CCDC12: variants seen among roughly 807,000 people sequenced by gnomAD.
CCDC12 encodes coiled-coil domain-containing protein 12.
CCDC12 carries 28 observed loss-of-function variants against 25.7 expected under a neutral mutation model. The ratio of observed to expected loss-of-function variants is 1.09; its 90% confidence interval spans 0.81 to 1.50. The LOEUF is 1.50. Ranked by LOEUF, CCDC12 falls within the 40% of genes most tolerant of loss-of-function variation. CCDC12 has a pLI of 0.00. For missense variants in CCDC12, 198 were observed against 210.0 expected (o/e 0.94, Z 0.35); for synonymous variants, 75 against 87.7 (o/e 0.86, Z 0.81).
At chr3:46,939,774 C>G (rs2033618880) in intron 2 of CCDC12, among the ~76,000 whole-genome samples, 1 of 152,182 alleles carries the variant, frequency 6.6e-6, no homozygotes, top group Admixed American at 6.5e-5. Flanking sequence ...TGAAAACACT[C>G]TGTAAGTCGT....
chr3:46,956,310 A>T (rs1295586889), intron 1 of CCDC12, among the ~76,000 whole-genome samples: 1 of 152,240 alleles, frequency 6.6e-6, no homozygotes, highest in African/African-American at 2.4e-5. Context: ...TGGGAATCTG[A>T]ATGTTCAAAG....
At chr3:46,950,481 C>CA (rs2034072986) in intron 1 of CCDC12, among the ~76,000 whole-genome samples, 1 of 122,138 alleles carries the variant, frequency 8.2e-6, no homozygotes, top group African/African-American at 3.0e-5. Context: ...CCATGCACAG[C>CA]TTTTTTTTTT....
chr3:46,979,713 G>T, upstream of CCDC12: 1 of 308,334 alleles, frequency 3.2e-6, no homozygotes, highest in Non-Finnish European at 6.0e-6. Context: ...CGCCGCGGAG[G>T]CCACAGCCGC....
chr3:46,937,237 C>A (rs191835871), intron 2 of CCDC12, among the ~76,000 whole-genome samples: 69 of 152,294 alleles, frequency 4.5e-4, no homozygotes, highest in African/African-American at 1.6e-3. Context: ...TACCACCCAC[C>A]CTTTCACACT....
At chr3:46,936,434 G>C (rs2033444353) in intron 2 of CCDC12, among the ~76,000 whole-genome samples, 1 of 152,186 alleles carries the variant, frequency 6.6e-6, no homozygotes, top group African/African-American at 2.4e-5. Flanking sequence ...CTTCTGCCCA[G>C]AGCCCCAGCA....
rs530160125 is a variant in CCDC12, at chr3:46,934,001, G to A, written c.164+6997C>T. ...GTGGAGCAATCTCGGCTCACTACAA[G>A]CTCCGCCTCCCGGGTTCACTCCATT... On this transcript the variant is annotated intron_variant, in intron 2 of 6. Coordinates refer to ENST00000683445, the MANE Select transcript of CCDC12 (RefSeq NM_001277074.2). 4.0e-5 allele frequency among the ~76,000 whole-genome samples: 6 copies of A among 151,644 alleles called. No individual in the cohort carries two copies. In the South Asian group the frequency reaches 1.3e-3, roughly 32 times the overall value.
intron 1 of CCDC12, among the ~76,000 whole-genome samples, chr3:46,970,268 T>C (rs1432233344): frequency 2.3e-5 from 2 of 85,654 alleles, no homozygotes; most frequent in Admixed American, 3.3e-4. Context: ...TAAAACATTA[T>C]GAGATATTTT....
chr3:46,979,930 C>G, upstream of CCDC12: 1 of 371,366 alleles, frequency 2.7e-6, no homozygotes, highest in Non-Finnish European at 4.8e-6. Flanking sequence ...CGCCCCGCCC[C>G]GCGCCCGCAC....
At chr3:46,923,444 TG>T (rs2032783245) in intron 4 of CCDC12, 81 bp from the exon 5 acceptor site, 1 of 1,533,080 alleles carries the variant, frequency 6.5e-7, no homozygotes, top group Non-Finnish European at 8.9e-7. Context: ...AGGAGGGAAA[TG>T]GGAGAAAGAG....
chr3:46,976,570 C>A, intron 1 of CCDC12, 67 bp downstream of exon 1: 6 of 1,557,802 alleles, frequency 3.9e-6, no homozygotes, highest in Non-Finnish European at 4.3e-6. Context: ...CCTTTGCTCT[C>A]CTCAAGCGCG....
intron 2 of CCDC12, among the ~76,000 whole-genome samples, chr3:46,928,630 C>G (rs943766223): frequency 1.3e-5 from 2 of 152,186 alleles, no homozygotes; most frequent in African/African-American, 4.8e-5. Context: ...GAAATGGTAT[C>G]TCAGAAGTGT....
intron 2 of CCDC12, among the ~76,000 whole-genome samples, chr3:46,938,268 C>T (rs538330081): frequency 6.6e-6 from 1 of 152,332 alleles, no homozygotes; most frequent in East Asian, 1.9e-4. Flanking sequence ...AGGTCTTGTG[C>T]TCCACTACAA....
chr3:46,944,599 C>T (rs1479974999), intron 1 of CCDC12, among the ~76,000 whole-genome samples: 3 of 152,036 alleles, frequency 2.0e-5, no homozygotes, highest in Non-Finnish European at 4.4e-5. Context: ...CTTCTCCCTC[C>T]TTCCCAATCC....
At chr3:46,959,147 G>A (rs2034389214) in intron 1 of CCDC12, among the ~76,000 whole-genome samples, 1 of 152,086 alleles carries the variant, frequency 6.6e-6, no homozygotes, top group African/African-American at 2.4e-5. Context: ...ACATTTTTTT[G>A]TGGGGGGAAA....
chr3:46,953,712 A>G (rs578072753), intron 1 of CCDC12, among the ~76,000 whole-genome samples: 134 of 152,064 alleles, frequency 8.8e-4, no homozygotes, highest in Admixed American at 2.4e-3. Context: ...GCCTGCACAC[A>G]CCAGCGTCCC....
intron 1 of CCDC12, among the ~76,000 whole-genome samples, chr3:46,968,565 C>A (rs910214580): frequency 6.6e-6 from 1 of 152,196 alleles, no homozygotes; most frequent in African/African-American, 2.4e-5. Flanking sequence ...ATTTTATAGA[C>A]AAGAGAGAGG....
chr3:46,937,172 CTG>C (rs2033480304), intron 2 of CCDC12, among the ~76,000 whole-genome samples: 1 of 152,174 alleles, frequency 6.6e-6, no homozygotes, highest in African/African-American at 2.4e-5. Context: ...CCCAGGGACA[CTG>C]TGTAAAGGAG....
At chr3:46,976,275 G>A (rs1486565758) in intron 1 of CCDC12, 9 of 1,085,818 alleles carry the variant, frequency 8.3e-6, no homozygotes, top group Middle Eastern at 4.1e-4. Flanking sequence ...TTAAAGACCA[G>A]CTAGGCCATA....
chr3:46,971,992 G>A (rs574080735), intron 1 of CCDC12, among the ~76,000 whole-genome samples: 5 of 152,276 alleles, frequency 3.3e-5, no homozygotes, highest in Admixed American at 1.3e-4. Flanking sequence ...CCAGCAGAAA[G>A]GGCCACAGGC....
Sources: gnomAD v4.1 joint callset for allele counts (sites outside exome capture counted in the v4.1 genomes callset) on GRCh38, gnomAD v4.1.1 for gene constraint, MANE v1.5 for transcripts, NCBI Gene and HGNC (gene_info 2026-07-23, HGNC 2026-07-21) for gene names.